SYNPR: variants seen among roughly 807,000 people sequenced by gnomAD.
The protein encoded by SYNPR is synaptoporin.
Under a neutral mutation model 32.9 loss-of-function variants are expected in SYNPR, and 23 were observed. That is an observed-to-expected ratio of 0.70 (90% confidence interval 0.50 to 0.99). The LOEUF (loss-of-function observed/expected upper bound fraction) is 0.99. SYNPR is among the 50% of genes least tolerant of loss of function. SYNPR has a pLI of 0.00. For synonymous variants in SYNPR, 146 were observed against 135.9 expected, an observed-to-expected ratio of 1.07 and a Z score of -0.52; for missense variants, 318 against 349.3, an observed-to-expected ratio of 0.91 and a Z score of 0.71.
At chr3:63,462,954 T>C (rs549817447) in intron 2 of SYNPR, among the ~76,000 whole-genome samples, 1 of 152,264 alleles carries the variant, frequency 6.6e-6, no homozygotes, top group African/African-American at 2.4e-5. Context: ...TGAATGGATG[T>C]TGGGTTCCAC....
chr3:63,210,525 G>C, the SYNPR span, among the ~76,000 whole-genome samples: 1 of 152,146 alleles, frequency 6.6e-6, no homozygotes, highest in Non-Finnish European at 1.5e-5. Context: ...TTGGTTGGTT[G>C]GTCTGGTTTC....
intron 3 of SYNPR, among the ~76,000 whole-genome samples, chr3:63,272,054 T>C (rs1025033341): frequency 4.6e-5 from 7 of 152,188 alleles, no homozygotes; most frequent in African/African-American, 1.4e-4. Flanking sequence ...TAAAAGTATA[T>C]GTTGTCAGTA....
chr3:63,549,636 T>A (rs1030092293), intron 3 of SYNPR, among the ~76,000 whole-genome samples: 6 of 152,190 alleles, frequency 3.9e-5, no homozygotes, highest in Non-Finnish European at 8.8e-5. Flanking sequence ...TGGTGGTTGT[T>A]ATTACAAACA....
chr3:63,204,012 CA>C, the SYNPR span, among the ~76,000 whole-genome samples: 169 of 151,470 alleles, frequency 1.1e-3, 8 homozygotes, highest in Middle Eastern at 0.014. Flanking sequence ...AAAACAAAAA[CA>C]AAAAAAAGTT....
intron 2 of SYNPR, among the ~76,000 whole-genome samples, chr3:63,283,623 C>CT (rs10650958): frequency 0.56 from 62,063 of 111,296 alleles, 18,745 homozygotes; most frequent in South Asian, 0.64. Context: ...ACAGATAATT[C>CT]TTTTTTTTTT....
intron 2 of SYNPR, among the ~76,000 whole-genome samples, chr3:63,367,604 C>T (rs1351538507): frequency 2.0e-5 from 3 of 152,064 alleles, no homozygotes; most frequent in Non-Finnish European, 4.4e-5. Flanking sequence ...GATCTGCCTG[C>T]CTCGGCCTCC....
At chr3:63,237,704 A>C (rs1444397595) in intron 1 of SYNPR, among the ~76,000 whole-genome samples, 1 of 152,090 alleles carries the variant, frequency 6.6e-6, no homozygotes, top group African/African-American at 2.4e-5. Context: ...TTTAATACAG[A>C]GATCTTGGCC....
At chr3:63,461,681 AG>A (rs1394169663) in intron 2 of SYNPR, among the ~76,000 whole-genome samples, 2 of 151,962 alleles carry the variant, frequency 1.3e-5, no homozygotes, top group Non-Finnish European at 2.9e-5. Context: ...CAAGATAAGA[AG>A]GGTGTCTCTG....
intron 3 of SYNPR, among the ~76,000 whole-genome samples, chr3:63,540,848 C>T (rs561396717): frequency 6.8e-6 from 1 of 147,846 alleles, no homozygotes; most frequent in East Asian, 2.1e-4. Context: ...AATGAAGAAC[C>T]CATTCAGTGA....
chr3:63,558,704 A>G (rs1313876810), intron 4 of SYNPR, among the ~76,000 whole-genome samples: 1 of 152,150 alleles, frequency 6.6e-6, no homozygotes, highest in African/African-American at 2.4e-5. Context: ...AAAATTATGC[A>G]TTAATAATAC....
Position 63,599,069 on chromosome 3 carries a change from G to C in SYNPR, c.409-10056G>C, listed in dbSNP as rs181132869. On this transcript the variant is annotated intron_variant, in intron 4 of 5. Transcript: ENST00000478300. ...AATTTAACTGCAAGCCTTCTGCTTAGATCATGCTAGTACAGTCATGTACCC... is the reference window on the plus strand; with the variant it reads ...AATTTAACTGCAAGCCTTCTGCTTACATCATGCTAGTACAGTCATGTACCC... Among the ~76,000 whole-genome samples, 391 of 152,258 alleles carry C rather than the reference G, an allele frequency of 2.6e-3. 2 individuals are homozygous for C. The highest frequency in any genetic ancestry group is 9.1e-3 in the African/African-American group (377 of 41,556).
At chr3:63,334,791 T>C (rs149327728) in intron 2 of SYNPR, among the ~76,000 whole-genome samples, 2,385 of 152,142 alleles carry the variant, frequency 0.016, 28 homozygotes, top group Non-Finnish European at 0.023. Flanking sequence ...CTAAAATTAT[T>C]AGGTTGATGC....
At chr3:63,348,240 T>A (rs1371541642) in intron 2 of SYNPR, among the ~76,000 whole-genome samples, 1 of 152,228 alleles carries the variant, frequency 6.6e-6, no homozygotes, top group African/African-American at 2.4e-5. Flanking sequence ...AAGAATGATA[T>A]CGCACCATGG....
At chr3:63,590,514 A>G in intron 4 of SYNPR, among the ~76,000 whole-genome samples, 1 of 60,100 alleles carries the variant, frequency 1.7e-5, no homozygotes, top group Non-Finnish European at 3.0e-5. Context: ...CCTAAGCCAA[A>G]AGAACAAAGC....
chr3:63,561,787 T>C (rs1212332842), intron 4 of SYNPR, among the ~76,000 whole-genome samples: 3 of 152,124 alleles, frequency 2.0e-5, no homozygotes, highest in Admixed American at 6.5e-5. Flanking sequence ...GAATCACAGA[T>C]TACCAGGATT....
At chr3:63,361,815 CAT>C (rs34995264) in intron 2 of SYNPR, among the ~76,000 whole-genome samples, 146 of 151,358 alleles carry the variant, frequency 9.6e-4, no homozygotes, top group African/African-American at 1.5e-4. Flanking sequence ...TTTCTACACA[CAT>C]ATATATATAT....
intron 1 of SYNPR, among the ~76,000 whole-genome samples, chr3:63,234,326 C>T (rs542628158): frequency 1.4e-4 from 21 of 152,274 alleles, no homozygotes; most frequent in African/African-American, 5.1e-4. Flanking sequence ...GTCTCTCCCA[C>T]CACACGTGGG....
At chr3:63,565,694 C>T (rs921475072) in intron 4 of SYNPR, among the ~76,000 whole-genome samples, 1 of 152,166 alleles carries the variant, frequency 6.6e-6, no homozygotes, top group African/African-American at 2.4e-5. Context: ...GAGGACACAG[C>T]ATTCCTCCCT....
intron 4 of SYNPR, among the ~76,000 whole-genome samples, chr3:63,595,803 A>ATATATATATAATTT (rs1699940759): frequency 5.9e-5 from 3 of 51,184 alleles, no homozygotes; most frequent in African/African-American, 3.2e-4. Flanking sequence ...ATATATAGTT[A>ATATATATATAATTT]TATATATATA....
Sources: allele counts gnomAD v4.1 joint callset (sites outside exome capture counted in the v4.1 genomes callset), GRCh38; gene constraint gnomAD v4.1.1; transcripts MANE v1.5; gene names NCBI Gene and HGNC (gene_info 2026-07-23, HGNC 2026-07-21).